Variants in EFHC1 observed in about 807,000 individuals in gnomAD.
EFHC1 encodes the protein EF-hand domain containing 1.
Under a neutral mutation model 69.9 loss-of-function variants are expected in EFHC1, and 53 were observed. The observed-to-expected ratio is 0.76, with a 90% CI of 0.61 to 0.95. The LOEUF is 0.95. Among genes scored for constraint, EFHC1 ranks in the 40% least tolerant of loss-of-function variants. EFHC1 has a pLI of 0.00. For synonymous variants in EFHC1, 256 were observed against 278.4 expected (o/e 0.92, Z 0.80); for missense variants, 739 against 798.7 (o/e 0.93, Z 0.90).
At chr6:52,435,980 C>T (rs1358502652) in intron 2 of EFHC1, among the ~76,000 whole-genome samples, 1 of 152,166 alleles carries the variant, frequency 6.6e-6, no homozygotes, top group African/African-American at 2.4e-5. Flanking sequence ...GGCCCTAACC[C>T]CTTACATGGC....
intron 9 of EFHC1, chr6:52,483,220 C>A (rs1329828443): frequency 5.4e-6 from 1 of 185,398 alleles, no homozygotes; most frequent in Admixed American, 6.1e-5. Context: ...GAAATTTGAA[C>A]CATGTTGTTG....
intron 9 of EFHC1, 87 bp downstream of exon 9, chr6:52,479,874 T>G: frequency 1.3e-6 from 2 of 1,567,056 alleles, no homozygotes; most frequent in Admixed American, 1.8e-5. Flanking sequence ...ACATTTTAGA[T>G]TTTCTGATTT....
chr6:52,438,090 G>A (rs1581818660), intron 2 of EFHC1, among the ~76,000 whole-genome samples: 1 of 152,032 alleles, frequency 6.6e-6, no homozygotes, highest in East Asian at 1.9e-4. Flanking sequence ...CTCTTAGCTT[G>A]CAGGTCATAA....
At chr6:52,475,511 C>T (rs980526375) in intron 7 of EFHC1, among the ~76,000 whole-genome samples, 1 of 152,106 alleles carries the variant, frequency 6.6e-6, no homozygotes, top group Non-Finnish European at 1.5e-5. Context: ...TTTCGAAGAA[C>T]AGAAACATGA....
intron 7 of EFHC1, among the ~76,000 whole-genome samples, chr6:52,470,382 C>G (rs1025528119): frequency 6.6e-6 from 1 of 152,156 alleles, no homozygotes; most frequent in Non-Finnish European, 1.5e-5. Context: ...CTTTCAGTTA[C>G]TGTTAAAATT....
At chr6:52,451,176 A>T (rs1329409953) in intron 3 of EFHC1, among the ~76,000 whole-genome samples, 1 of 151,086 alleles carries the variant, frequency 6.6e-6, no homozygotes, top group Non-Finnish European at 1.5e-5. Flanking sequence ...TGATCCTGTC[A>T]TTGTGTTGTT....
chr6:52,474,628 G>A (rs765070731), intron 7 of EFHC1, among the ~76,000 whole-genome samples: 8 of 152,156 alleles, frequency 5.3e-5, no homozygotes, highest in Admixed American at 1.3e-4. Context: ...GATAAGTTGT[G>A]GTATATTTGT....
At position 52,425,012 on chromosome 6, in the gene EFHC1, C is replaced by G. The variant is rs536930106; in HGVS notation, c.285+845C>G. Among the ~76,000 whole-genome samples the G allele has an allele frequency of 2.1e-4, 32 of 152,270 alleles. No homozygotes were observed. In the East Asian group the frequency reaches 6.0e-3, roughly 28 times the overall value. On this transcript the variant is annotated intron_variant, in intron 2 of 10. Transcript: ENST00000371068. ...TATTATTCCTGTTAAATGTCTATAA[C>G]ATTTTCATCCAGCCAGCCAACTTTT... is the stretch of plus-strand genomic sequence containing the variant.
At chr6:52,449,757 C>A (rs1764874869) in intron 3 of EFHC1, among the ~76,000 whole-genome samples, 1 of 152,184 alleles carries the variant, frequency 6.6e-6, no homozygotes, top group South Asian at 2.1e-4. Context: ...TAATAAAAAC[C>A]AACTCCTGGA....
chr6:52,494,353 T>C lies in EFHC1; in HGVS notation c.*2012T>C, dbSNP rs1447075102. On this transcript the variant is annotated 3_prime_UTR_variant, in exon 11 of 11. Coordinates refer to ENST00000371068, the MANE Select transcript of EFHC1 (RefSeq NM_018100.4). ...CCTGTGGTAAAGAGTGTGTGTATAC[T>C]GGGGTGATGATAGTGGTTTCTTCTT... The C allele has an allele frequency of 2.2e-6, 1 of 453,984 alleles. No homozygotes were observed. The highest frequency in any genetic ancestry group is 4.4e-6 in the Non-Finnish European group (1 of 226,800). 28.1% of individuals were successfully genotyped at this position (453,984 alleles called of 1,614,324 possible). A position where few individuals can be genotyped will look rare whatever the true frequency, so the allele number is the denominator to read the frequency against.
At chr6:52,436,215 CATG>C (rs998536804) in intron 2 of EFHC1, among the ~76,000 whole-genome samples, 17 of 152,182 alleles carry the variant, frequency 1.1e-4, no homozygotes, top group African/African-American at 4.1e-4. Flanking sequence ...TTGCTTTTAC[CATG>C]TTATTTTTCT....
chr6:52,442,390 G>A (rs931487808), intron 3 of EFHC1, among the ~76,000 whole-genome samples: 2 of 152,060 alleles, frequency 1.3e-5, no homozygotes, highest in African/African-American at 4.8e-5. Flanking sequence ...TTGGTGTGCT[G>A]TACCCATTAA....
At chr6:52,436,572 AC>A (rs1218254955) in intron 2 of EFHC1, among the ~76,000 whole-genome samples, 1 of 152,206 alleles carries the variant, frequency 6.6e-6, no homozygotes, top group East Asian at 1.9e-4. Context: ...AAAAACAGAG[AC>A]AAAATAACAG....
chr6:52,453,197 A>G (rs1273307476), intron 4 of EFHC1: 3 of 1,308,980 alleles, frequency 2.3e-6, no homozygotes, highest in Non-Finnish European at 3.0e-6. Flanking sequence ...TGAAACCATA[A>G]ATCGATTATT....
chr6:52,449,340 C>T (rs966291606), intron 3 of EFHC1, among the ~76,000 whole-genome samples: 2 of 149,842 alleles, frequency 1.3e-5, no homozygotes, highest in African/African-American at 5.0e-5. Flanking sequence ...GAGATTGTGC[C>T]ACTGCACTCC....
rs137869409 is a variant in EFHC1, at chr6:52,490,335, C to T, written c.1836C>T (p.Asp612=). ...ICESLNVPVD[D]SLVKELIRMC... is the part of the protein sequence containing the mutation. ...AATCGCTTAACGTCCCAGTGGATGACTCCTTGGTTAAGGAGGTCAGTATGA... is the reference window on the plus strand; with the variant it reads ...AATCGCTTAACGTCCCAGTGGATGATTCCTTGGTTAAGGAGGTCAGTATGA... Residue 612 remains aspartate (D), a synonymous_variant, in exon 10 of 11, where the codon GAC becomes GAT. Coordinates refer to ENST00000371068, the MANE Select transcript of EFHC1 (RefSeq NM_018100.4). The T allele has an allele frequency of 1.4e-5, 23 of 1,614,048 alleles. 1 individual carries two copies. The African/African-American group carries it at 3.1e-4, about 22-fold the overall frequency.
At chr6:52,434,284 C>T (rs1264336961) in intron 2 of EFHC1, among the ~76,000 whole-genome samples, 1 of 152,176 alleles carries the variant, frequency 6.6e-6, no homozygotes, top group Non-Finnish European at 1.5e-5. Flanking sequence ...TCTGGCTGCC[C>T]TCCCCAAGTA....
rs115475262 is a variant in EFHC1, at chr6:52,490,319, A to G, written c.1820A>G (p.Asn607Ser). The G allele has an allele frequency of 2.6e-4, 416 of 1,614,166 alleles. 1 individual carries two copies. The African/African-American group carries it at 5.0e-3, about 20-fold the overall frequency. The change falls in exon 10 of 11, where the codon AAC becomes AGC. Residue 607 changes from asparagine (N) to serine (S), a missense_variant. Physicochemically the swap from Asn to Ser is conservative, Grantham distance 46 (BLOSUM62 1). Coordinates refer to ENST00000371068, the MANE Select transcript of EFHC1 (RefSeq NM_018100.4). ...DMFFKICESL[N>S]VPVDDSLVKE... ...TTCTTTAAAATCTGTGAATCGCTTAACGTCCCAGTGGATGACTCCTTGGTT... is the reference window on the plus strand; with the variant it reads ...TTCTTTAAAATCTGTGAATCGCTTAGCGTCCCAGTGGATGACTCCTTGGTT...
chr6:52,453,168 A>C (rs750708077), intron 4 of EFHC1: 2 of 1,336,752 alleles, frequency 1.5e-6, no homozygotes, highest in Non-Finnish European at 2.0e-6. Context: ...AAAATGAGCT[A>C]ATTTCATAGA....
Sources: allele counts gnomAD v4.1 joint callset (sites outside exome capture counted in the v4.1 genomes callset), GRCh38; gene constraint gnomAD v4.1.1; transcripts MANE v1.5; gene names NCBI Gene and HGNC (gene_info 2026-07-23, HGNC 2026-07-21).